ACYP2: variants seen among roughly 807,000 people sequenced by gnomAD.
ACYP2 encodes the protein acylphosphatase 2.
Under a neutral mutation model 11.2 loss-of-function variants are expected in ACYP2, and 12 were observed. That is an observed-to-expected ratio of 1.08 (90% CI 0.69 to 1.74). The LOEUF (loss-of-function observed/expected upper bound fraction) is 1.74, where lower values mean the gene tolerates loss of function less well. ACYP2 is among the 40% of genes most tolerant of loss of function. The pLI is 0.00. For synonymous variants in ACYP2, 43 were observed against 32.2 expected (o/e 1.33, Z -1.13); for missense variants, 134 against 101.9 (o/e 1.31, Z -1.35).
chr2:54,266,590 C>CTTTTTTTTTTTTTTTTTTTT (rs138812389), intron 6 of ACYP2, among the ~76,000 whole-genome samples: 1 of 52,242 alleles, frequency 1.9e-5, no homozygotes. Context: ...ATCTATCTAT[C>CTTTTTTTTTTTTTTTTTTTT]TTTTTTTTTT....
intron 6 of ACYP2, among the ~76,000 whole-genome samples, chr2:54,296,488 T>C (rs138425770): frequency 1.9e-3 from 282 of 152,348 alleles, no homozygotes; most frequent in African/African-American, 6.3e-3. Context: ...CACTGTGTTT[T>C]ATTTATTTCT....
At chr2:54,204,162 A>T (rs950905828) in intron 6 of ACYP2, among the ~76,000 whole-genome samples, 2 of 151,416 alleles carry the variant, frequency 1.3e-5, no homozygotes, top group African/African-American at 4.9e-5. Context: ...GCCCAGCTAA[A>T]TTTTTTTTGT....
chr2:54,118,378 CATTT>C (rs1191487177), intron 4 of ACYP2, among the ~76,000 whole-genome samples: 1 of 152,154 alleles, frequency 6.6e-6, no homozygotes, highest in Admixed American at 6.5e-5. Context: ...GAATGTGTGA[CATTT>C]ATTATGGGTG....
intron 4 of ACYP2, among the ~76,000 whole-genome samples, chr2:54,129,233 T>C (rs1680747265): frequency 6.6e-6 from 1 of 151,904 alleles, no homozygotes; most frequent in Non-Finnish European, 1.5e-5. Flanking sequence ...ATTTTAATCT[T>C]TCAGGATTGT....
chr2:53,981,847 G>A (rs370787006), intron 2 of ACYP2, among the ~76,000 whole-genome samples: 10 of 152,148 alleles, frequency 6.6e-5, no homozygotes, highest in East Asian at 1.9e-4. Flanking sequence ...TGATGAAATC[G>A]CCTAACAATA....
At chr2:54,041,566 AG>A (rs1675230006) in intron 2 of ACYP2, among the ~76,000 whole-genome samples, 1 of 152,178 alleles carries the variant, frequency 6.6e-6, no homozygotes, top group Admixed American at 6.5e-5. Context: ...GAGATCTCTT[AG>A]TATGGTTTGG....
rs1322863615 is a variant in ACYP2, at chr2:54,015,645, T to TCTCACACACA, written c.63-35312_63-35311insTCACACACAC. Among the ~76,000 whole-genome samples, 17 of 130,484 alleles carry TCTCACACACA rather than the reference T, an allele frequency of 1.3e-4. 1 individual carries two copies. In the East Asian group the frequency reaches 2.5e-3, roughly 20 times the overall value. 85.6% of individuals were successfully genotyped at this position (130,484 alleles called of 152,430 possible). A position where few individuals can be genotyped will look rare whatever the true frequency, so the allele number is the denominator to read the frequency against. On this transcript the variant is annotated intron_variant, in intron 2 of 6. Transcript: ENST00000607452. ...GCCTGGGCAACAGAGTGAGACCCCGTCACACACACACACACACACACACAC... is the reference window on the plus strand; with the variant it reads ...GCCTGGGCAACAGAGTGAGACCCCGTCTCACACACACACACACACACACACACACACACAC...
At chr2:54,180,332 GC>G (rs1036684145) in intron 6 of ACYP2, among the ~76,000 whole-genome samples, 1 of 151,846 alleles carries the variant, frequency 6.6e-6, no homozygotes, top group African/African-American at 2.4e-5. Context: ...TTAACCTTTA[GC>G]CCCCCTCCTT....
intron 6 of ACYP2, among the ~76,000 whole-genome samples, chr2:54,271,160 T>C (rs1324134053): frequency 6.6e-6 from 1 of 152,190 alleles, no homozygotes; most frequent in African/African-American, 2.4e-5. Context: ...AGGATGATAA[T>C]AGTCCCTCCC....
At chr2:54,121,458 C>T (rs75867163) in intron 4 of ACYP2, among the ~76,000 whole-genome samples, 2,935 of 152,248 alleles carry the variant, frequency 0.019, 91 homozygotes, top group African/African-American at 0.066. Context: ...CCCTGTCTAC[C>T]GAGGAATTTG....
At chr2:54,135,363 G>C in intron 4 of ACYP2, 90 bp from the exon 2 acceptor site, 1 of 1,196,240 alleles carries the variant, frequency 8.4e-7, no homozygotes, top group Non-Finnish European at 1.2e-6. Flanking sequence ...AGGATAAATG[G>C]GGACCACCTA....
intron 2 of ACYP2, among the ~76,000 whole-genome samples, chr2:53,993,611 C>T (rs886432981): frequency 7.3e-5 from 11 of 151,362 alleles, no homozygotes; most frequent in Admixed American, 1.3e-4. Context: ...GCACAAGAAT[C>T]GCTTGAACCT....
intron 2 of ACYP2, chr2:53,975,193 C>A: frequency 5.1e-6 from 2 of 393,092 alleles, no homozygotes; most frequent in South Asian, 1.3e-4. Flanking sequence ...CCACTGCATT[C>A]CAACCTGGCG....
chr2:54,188,399 T>C (rs527667114), intron 6 of ACYP2, among the ~76,000 whole-genome samples: 2 of 152,318 alleles, frequency 1.3e-5, no homozygotes, highest in South Asian at 4.1e-4. Context: ...CTTGAAATCA[T>C]ATTTTTTAAA....
intron 2 of ACYP2, among the ~76,000 whole-genome samples, chr2:54,043,638 AT>A (rs538728900): frequency 1.6e-4 from 25 of 152,304 alleles, no homozygotes; most frequent in Non-Finnish European, 2.4e-4. Context: ...TGATATATGA[AT>A]TTCATTTAAA....
At chr2:54,031,810 T>C (rs1271571022) in intron 2 of ACYP2, among the ~76,000 whole-genome samples, 4 of 152,234 alleles carry the variant, frequency 2.6e-5, no homozygotes, top group Non-Finnish European at 4.4e-5. Flanking sequence ...TTTTTAATGA[T>C]TGCCATTCCA....
intron 6 of ACYP2, among the ~76,000 whole-genome samples, chr2:54,302,631 C>T (rs1029162724): frequency 4.6e-5 from 7 of 152,138 alleles, no homozygotes; most frequent in African/African-American, 1.4e-4. Flanking sequence ...CTCATAGGTC[C>T]AACTGCCTAC....
intron 4 of ACYP2, among the ~76,000 whole-genome samples, chr2:54,074,189 T>G (rs1020890281): frequency 5.3e-5 from 8 of 152,118 alleles, no homozygotes; most frequent in Admixed American, 3.9e-4. Context: ...AAAAATATTT[T>G]TCAAAATTAG....
At chr2:54,088,996 G>C (rs376590350) in intron 4 of ACYP2, among the ~76,000 whole-genome samples, 1 of 152,196 alleles carries the variant, frequency 6.6e-6, no homozygotes, top group Non-Finnish European at 1.5e-5. Context: ...AAGAAAGTAA[G>C]AAAGATAAGA....
Sources: gnomAD v4.1 joint callset for allele counts (sites outside exome capture counted in the v4.1 genomes callset) on GRCh38, gnomAD v4.1.1 for gene constraint, MANE v1.5 for transcripts, NCBI Gene and HGNC (gene_info 2026-07-23, HGNC 2026-07-21) for gene names.